The following TBCD variants were observed in gnomAD, a reference collection of about 807,000 sequenced individuals.
The protein encoded by TBCD is tubulin folding cofactor D, also known as tubulin-specific chaperone D.
Under a neutral mutation model 169.3 loss-of-function variants are expected in TBCD, and 105 were observed. The ratio of observed to expected loss-of-function variants is 0.62; its 90% confidence interval spans 0.53 to 0.73. The LOEUF is 0.73. Ranked by LOEUF, TBCD falls within the 30% of genes least tolerant of loss-of-function variation. The pLI is 0.00. For missense variants in TBCD, 1,444 were observed against 1,600.1 expected (o/e 0.90, Z 1.66); for synonymous variants, 700 against 643.9 (o/e 1.09, Z -1.32).
At chr17:82,912,310 A>C (rs962736043) in intron 23 of TBCD, among the ~76,000 whole-genome samples, 1 of 152,210 alleles carries the variant, frequency 6.6e-6, no homozygotes, top group Non-Finnish European at 1.5e-5. Context: ...CTGATTCCCA[A>C]GCCTCTGATA....
chr17:82,792,488 T>C (rs1046786090), intron 7 of TBCD, among the ~76,000 whole-genome samples: 4 of 152,234 alleles, frequency 2.6e-5, no homozygotes, highest in African/African-American at 4.8e-5. Context: ...TACACTGTCA[T>C]GAACAGATTG....
In TBCD at chr17:82,920,884, T is replaced by C. The variant is rs1599566639; in HGVS notation, c.2101+266T>C. The C allele has an allele frequency of 8.4e-6, 4 of 478,650 alleles. No individual in the cohort carries two copies. In the East Asian group the frequency reaches 1.6e-4, roughly 19 times the overall value. 29.7% of individuals were successfully genotyped at this position (478,650 alleles called of 1,614,324 possible). The stretch of plus-strand genomic sequence containing the variant: ...CGCTTCCATGCCCAGGGCCCGGCAC[T>C]CTGGGTCAGTTCTTCTCCCAGGCAG... On this transcript the variant is annotated intron_variant, in intron 24 of 38. Coordinates refer to ENST00000355528, the MANE Select transcript of TBCD (RefSeq NM_005993.5). The surrounding 1 kb of genome is among the most constrained non-coding windows in gnomAD (Gnocchi z 4.1).
rs869120923 is a variant in TBCD, at chr17:82,922,385, CAAAA to C, written c.2178+813_2178+816del. On this transcript the variant is annotated intron_variant, in intron 25 of 38. Coordinates refer to ENST00000355528, the MANE Select transcript of TBCD (RefSeq NM_005993.5). This position sits in a 1 kb window ranked among gnomAD's most constrained non-coding sequence, Gnocchi z 4.1. The stretch of plus-strand genomic sequence containing the variant: ...TCAAAAACAAAAACAAAAACAAAAA[CAAAA>C]AAAACCATGGTTACCAACGTTGACT... Among the ~76,000 whole-genome samples the C allele has an allele frequency of 1.5e-5, 2 of 133,402 alleles. No individual in the cohort carries two copies. The highest frequency in any genetic ancestry group is 7.4e-5 in the Admixed American group (1 of 13,532). The allele number at this position is 133,402 out of a possible 152,430, so 87.5% of individuals were successfully genotyped here.
chr17:82,858,686 CCTTGTA>C (rs1176204531), intron 13 of TBCD: 1 of 980,240 alleles, frequency 1.0e-6, no homozygotes, highest in Non-Finnish European at 1.2e-6. Flanking sequence ...CCTGTGTTTT[CCTTGTA>C]CTTACCTTCA....
At chr17:82,821,851 T>A (rs1195237460) in intron 13 of TBCD, among the ~76,000 whole-genome samples, 1 of 152,134 alleles carries the variant, frequency 6.6e-6, no homozygotes, top group Non-Finnish European at 1.5e-5. Flanking sequence ...TTATCTAAGG[T>A]GATGTTTTGA....
intron 13 of TBCD, chr17:82,830,566 TGTGGAA>T: frequency 6.2e-7 from 1 of 1,614,094 alleles, no homozygotes. Flanking sequence ...CCCAGTCTTC[TGTGGAA>T]CAGCAGCAGC....
At chr17:82,772,938 C>T (rs2048379573) in intron 6 of TBCD, among the ~76,000 whole-genome samples, 1 of 152,146 alleles carries the variant, frequency 6.6e-6, no homozygotes, top group South Asian at 2.1e-4. Context: ...CCGTGTGCCC[C>T]AGACAGGGGA....
chr17:82,759,888 G>GTTTTT (rs71885635), intron 2 of TBCD, among the ~76,000 whole-genome samples: 3 of 121,502 alleles, frequency 2.5e-5, no homozygotes, highest in African/African-American at 9.0e-5. Context: ...TCGTTTGTTT[G>GTTTTT]TTTTTTTTTT....
intron 13 of TBCD, among the ~76,000 whole-genome samples, chr17:82,844,827 T>C (rs931802335): frequency 1.3e-5 from 2 of 152,198 alleles, no homozygotes; most frequent in African/African-American, 4.8e-5. Flanking sequence ...AGCTGATGTT[T>C]CTTGCGTGTT....
chr17:82,849,594 G>C (rs59300995), intron 13 of TBCD, among the ~76,000 whole-genome samples: 92,496 of 151,746 alleles, frequency 0.61, 28,199 homozygotes, highest in East Asian at 0.71. Flanking sequence ...AGAACCGCGT[G>C]GCACTAGCAA....
At position 82,900,746 on chromosome 17, in the gene TBCD, T is replaced by G; in HGVS notation, c.1730+15T>G. 5.0e-6 allele frequency: 8 copies of G among 1,609,976 alleles called. No individual in the cohort carries two copies. Among genetic ancestry groups the G allele is most frequent in the Non-Finnish European group, 6.0e-6 (7 of 1,176,226 alleles). ...CACTGGGATGGGTAGGTTTTCTGTT[T>G]TTGTTTTTCTAAGAGCTTTTTTTCC... On this transcript the variant is annotated intron_variant, in intron 18 of 38. Transcript: ENST00000355528.
At position 82,870,219 on chromosome 17, in the gene TBCD, C is replaced by T; in HGVS notation, c.1319-5C>T. 1 of 1,612,826 alleles carries T rather than the reference C, an allele frequency of 6.2e-7. No individual in the cohort carries two copies. Among genetic ancestry groups the T allele is most frequent in the Admixed American group, 1.7e-5 (1 of 60,030 alleles). ...CTCACCGTCTTTTCTCTTGTCCTTG[C>T]CCAGTTGTCGCCGTGATCCTGAAGG... On this transcript the variant is annotated splice_polypyrimidine_tract_variant and splice_region_variant and intron_variant, in intron 13 of 38. Transcript: ENST00000355528.
At chr17:82,876,932 G>A in intron 14 of TBCD, 13 of 985,032 alleles carry the variant, frequency 1.3e-5, no homozygotes, top group South Asian at 4.7e-5. Flanking sequence ...CTGCCTGAGC[G>A]GAGCTGTTGA....
chr17:82,786,669 G>A (rs1376405720), intron 7 of TBCD, among the ~76,000 whole-genome samples: 4 of 152,130 alleles, frequency 2.6e-5, no homozygotes, highest in Non-Finnish European at 4.4e-5. Context: ...CAGCCTCCTG[G>A]TGAGGGGCTG....
rs181752587 is a variant in TBCD, at chr17:82,909,360, G to T, written c.2006+53G>T. 2.8e-6 allele frequency: 4 copies of T among 1,443,832 alleles called. No individual in the cohort carries two copies. In the Admixed American group the frequency reaches 8.1e-5, roughly 29 times the overall value. The allele number at this position is 1,443,832 out of a possible 1,614,324, so 89.4% of individuals were successfully genotyped here. A position where few individuals can be genotyped will look rare whatever the true frequency, so the allele number is the denominator to read the frequency against. ...TATCTGTGTCCTAATGAAGAACTGC[G>T]CTGTCAGGAGCAGGCGGGGCGGGTG... is the stretch of plus-strand genomic sequence containing the variant. On this transcript the variant is annotated intron_variant, in intron 22 of 38. Coordinates refer to ENST00000355528, the MANE Select transcript of TBCD (RefSeq NM_005993.5).
At chr17:82,898,696 C>T (rs951530059) in intron 17 of TBCD, among the ~76,000 whole-genome samples, 10 of 151,914 alleles carry the variant, frequency 6.6e-5, no homozygotes, top group East Asian at 1.9e-4. Flanking sequence ...AGACTTTGTT[C>T]GGCATATGTG....
chr17:82,771,042 C>T (rs549531149), intron 5 of TBCD, among the ~76,000 whole-genome samples: 95 of 123,910 alleles, frequency 7.7e-4, no homozygotes, highest in Non-Finnish European at 1.2e-3. Flanking sequence ...AGCAAGACTC[C>T]GTCTCAAAAA....
At position 82,874,534 on chromosome 17, in the gene TBCD, G is replaced by A. The variant is rs1391639022; in HGVS notation, c.1475+4154G>A. Among the ~76,000 whole-genome samples the A allele has an allele frequency of 2.0e-5, 3 of 152,080 alleles. No individual in the cohort carries two copies. The highest frequency in any genetic ancestry group is 3.9e-4 in the East Asian group (2 of 5,184). ...GCCTGGAGCTGGCGTTGTGCCCCTC[G>A]CCCCTTTACCTGTGCCATCCCGGCC... On this transcript the variant is annotated intron_variant, in intron 14 of 38. Coordinates refer to ENST00000355528, the MANE Select transcript of TBCD (RefSeq NM_005993.5). This position sits in a 1 kb window ranked among gnomAD's most constrained non-coding sequence, Gnocchi z 5.0.
chr17:82,924,775 C>T (rs1162740011), intron 26 of TBCD, among the ~76,000 whole-genome samples, 164 bp from the exon 27 acceptor site: 1 of 152,164 alleles, frequency 6.6e-6, no homozygotes, highest in South Asian at 2.1e-4. Flanking sequence ...CTTTCTGATT[C>T]CTATTTTGAG....
Sources: gnomAD v4.1 joint callset for allele counts (sites outside exome capture counted in the v4.1 genomes callset) on GRCh38, gnomAD v4.1.1 for gene constraint, Gnocchi (gnomAD v3.1) non-coding constraint, MANE v1.5 for transcripts, NCBI Gene and HGNC (gene_info 2026-07-23, HGNC 2026-07-21) for gene names.